Variants in ZNRF3 observed in about 807,000 individuals in gnomAD.
ZNRF3 encodes E3 ubiquitin-protein ligase ZNRF3.
In ZNRF3, 23 loss-of-function variants were observed where a neutral mutation model predicts 72.5. That is an observed-to-expected ratio of 0.32 (90% CI 0.23 to 0.45). The LOEUF (loss-of-function observed/expected upper bound fraction) is 0.45. Among genes scored for constraint, ZNRF3 ranks in the 20% least tolerant of loss-of-function variants. ZNRF3 has a pLI of 1.00. For synonymous variants in ZNRF3, 610 were observed against 545.3 expected, an observed-to-expected ratio of 1.12 and a Z score of -1.65; for missense variants, 1,169 against 1,272.1, an observed-to-expected ratio of 0.92 and a Z score of 1.23.
intron 8 of ZNRF3, among the ~76,000 whole-genome samples, chr22:29,052,714 C>T (rs962590487): frequency 6.6e-6 from 1 of 150,450 alleles, no homozygotes; most frequent in Non-Finnish European, 1.5e-5. Flanking sequence ...AAAAAGTTAA[C>T]TCCTGGCTGA....
chr22:28,995,147 T>C (rs1222992020), intron 2 of ZNRF3, among the ~76,000 whole-genome samples: 3 of 152,164 alleles, frequency 2.0e-5, no homozygotes, highest in African/African-American at 7.2e-5. Context: ...CTAATTGAAA[T>C]CCAAGGCTGG....
At chr22:28,977,157 C>CCAGCCGAGTGTT (rs2035690121) in intron 1 of ZNRF3, among the ~76,000 whole-genome samples, 1 of 152,146 alleles carries the variant, frequency 6.6e-6, no homozygotes, top group Non-Finnish European at 1.5e-5. Context: ...GGGGGAGACT[C>CCAGCCGAGTGTT]CAGCCGAGTG....
At chr22:29,040,348 T>G (rs1039767311) in intron 2 of ZNRF3, among the ~76,000 whole-genome samples, 48 of 151,978 alleles carry the variant, frequency 3.2e-4, no homozygotes, top group African/African-American at 1.1e-3. Context: ...TCCAGCTGAT[T>G]TTTTGCATTT....
At chr22:28,923,541 T>C (rs549187919) in intron 1 of ZNRF3, among the ~76,000 whole-genome samples, 97 of 152,064 alleles carry the variant, frequency 6.4e-4, no homozygotes, top group Admixed American at 1.0e-3. Context: ...AAATGTTACA[T>C]GTAGACTCCA....
At position 29,053,607 on chromosome 22, in the gene ZNRF3, C is replaced by T; in HGVS notation, c.2796C>T (p.Ser932=). The T allele has an allele frequency of 6.2e-7, 1 of 1,613,814 alleles. No individual in the cohort carries two copies. Among genetic ancestry groups the T allele is most frequent in the Non-Finnish European group, 8.5e-7 (1 of 1,179,802 alleles). Residue 932 remains serine, a synonymous_variant, in exon 9 of 9, where the codon AGC becomes AGT. Transcript: ENST00000544604. ...CGAGATCTCACTCAGCAGACAGCAG[C>T]AGCCCGGGAGCCTGAGCTCAGGAGG... ...AGPRSHSADS[S]SPGA
intron 1 of ZNRF3, among the ~76,000 whole-genome samples, chr22:28,899,802 A>G (rs2123751454): frequency 6.8e-6 from 1 of 146,970 alleles, no homozygotes; most frequent in South Asian, 2.2e-4. Context: ...CGATCCTCCC[A>G]CCTCAGCCTC....
intron 1 of ZNRF3, among the ~76,000 whole-genome samples, chr22:28,937,390 G>A (rs12158490): frequency 2.1e-4 from 32 of 151,652 alleles, no homozygotes; most frequent in Admixed American, 3.9e-4. Context: ...ACTAGACTGC[G>A]CCTGCCTCCT....
intron 2 of ZNRF3, among the ~76,000 whole-genome samples, chr22:28,996,616 TA>T (rs1221463559): frequency 6.6e-6 from 1 of 152,144 alleles, no homozygotes; most frequent in Non-Finnish European, 1.5e-5. Context: ...TAGAGGACAA[TA>T]CAGGGAGTAA....
intron 1 of ZNRF3, among the ~76,000 whole-genome samples, chr22:28,945,576 C>T (rs558684611): frequency 6.0e-5 from 9 of 150,996 alleles, no homozygotes; most frequent in Non-Finnish European, 1.0e-4. Flanking sequence ...TGTGGCCAGG[C>T]TGGAGTGCAG....
At chr22:28,891,667 C>G (rs1209222662) in intron 1 of ZNRF3, among the ~76,000 whole-genome samples, 1 of 152,162 alleles carries the variant, frequency 6.6e-6, no homozygotes, top group Non-Finnish European at 1.5e-5. Flanking sequence ...TTCACAAGCC[C>G]GCTTCACTTC....
chr22:28,964,058 G>A (rs2035414449), intron 1 of ZNRF3, among the ~76,000 whole-genome samples: 1 of 152,142 alleles, frequency 6.6e-6, no homozygotes, highest in East Asian at 1.9e-4. Flanking sequence ...CAGGTTGCCG[G>A]GGATGAGGGA....
intron 1 of ZNRF3, among the ~76,000 whole-genome samples, chr22:28,951,797 C>T (rs978117088): frequency 6.6e-6 from 1 of 152,198 alleles, no homozygotes; most frequent in Admixed American, 6.5e-5. Context: ...CAGAGCAGTG[C>T]TCTGTGACTG....
chr22:29,009,428 A>T (rs1440384111), intron 2 of ZNRF3, among the ~76,000 whole-genome samples: 1 of 152,128 alleles, frequency 6.6e-6, no homozygotes, highest in East Asian at 1.9e-4. Context: ...ATCTGTCATA[A>T]GAGTAGAGTT....
At position 29,049,543 on chromosome 22, in the gene ZNRF3, C is replaced by A; in HGVS notation, c.1362C>A (p.Arg454=). The A allele has an allele frequency of 6.2e-7, 1 of 1,604,550 alleles. No individual in the cohort carries two copies. The highest frequency in any genetic ancestry group is 1.1e-5 in the South Asian group (1 of 90,552). ...HPFRRPKLSG[R]SFSKAACFSQ... ...TCCGCAGGCCCAAGTTGAGTGGCCG[C>A]AGCTTCTCCAAGGCAGCTTGCTTCT... The change falls in exon 8 of 9, where the codon CGC becomes CGA. Residue 454 remains arginine (R), a synonymous_variant. Coordinates refer to ENST00000544604, the MANE Select transcript of ZNRF3 (RefSeq NM_001206998.2). This position sits in a 1 kb window ranked among gnomAD's most constrained non-coding sequence, Gnocchi z 5.2.
Position 28,937,205 on chromosome 22 carries a change from ATATATATATATTTTTTTTT to A in ZNRF3, c.301-49869_301-49851del, listed in dbSNP as rs1295500869. ...TATATATATATATATATATATATAT[ATATATATATATTTTTTTTT>A]TTTTTTTTTTTTTTAACAAAAGGAA... On this transcript the variant is annotated intron_variant, in intron 1 of 8. Coordinates refer to ENST00000544604, the MANE Select transcript of ZNRF3 (RefSeq NM_001206998.2). 9.9e-4 allele frequency among the ~76,000 whole-genome samples: 4 copies of A among 4,056 alleles called. No individual in the cohort carries two copies. The South Asian group carries it at 0.026, about 26-fold the overall frequency. 2.7% of individuals were successfully genotyped at this position (4,056 alleles called of 152,430 possible).
intron 2 of ZNRF3, among the ~76,000 whole-genome samples, chr22:29,041,289 C>T (rs1331946105): frequency 4.6e-5 from 7 of 152,134 alleles, no homozygotes; most frequent in African/African-American, 7.2e-5. Flanking sequence ...ACTACAGTTA[C>T]GTCCTGCCAC....
At chr22:28,947,212 T>A (rs2035068922) in intron 1 of ZNRF3, among the ~76,000 whole-genome samples, 1 of 151,618 alleles carries the variant, frequency 6.6e-6, no homozygotes, top group African/African-American at 2.4e-5. Context: ...CATGTATTAC[T>A]GAGTAGTATT....
Position 29,046,807 on chromosome 22 carries a change from G to T in ZNRF3, c.836G>T (p.Cys279Phe). 1.2e-6 allele frequency: 2 copies of T among 1,611,978 alleles called. No homozygotes were observed. The highest frequency in any genetic ancestry group is 1.1e-5 in the South Asian group (1 of 90,326). The part of the protein sequence containing the change: ...SKSKGRREGS[C>F]GALDTLSSSS... ...AGCAAGGGGCGCCGGGAGGGGAGCT[G>T]TGGGGCCCTGGACACACTCAGCAGC... The change falls in exon 6 of 9, where the codon TGT becomes TTT. Residue 279 changes from cysteine to phenylalanine, a missense_variant. Transcript: ENST00000544604.
At chr22:28,913,131 A>G (rs1415211234) in intron 1 of ZNRF3, among the ~76,000 whole-genome samples, 1 of 152,240 alleles carries the variant, frequency 6.6e-6, no homozygotes. Context: ...GCCCAAGATG[A>G]GCTTTTCTCA....
Sources: allele counts gnomAD v4.1 joint callset (sites outside exome capture counted in the v4.1 genomes callset), GRCh38; gene constraint gnomAD v4.1.1; non-coding constraint Gnocchi (gnomAD v3.1); transcripts MANE v1.5; gene names NCBI Gene and HGNC (gene_info 2026-07-23, HGNC 2026-07-21).